The following FLRT2 variants were observed in gnomAD, a reference collection of about 807,000 sequenced individuals.
FLRT2 encodes the protein fibronectin leucine rich transmembrane protein 2.
FLRT2 carries 15 observed loss-of-function variants against 40.0 expected under a neutral mutation model. The ratio of observed to expected loss-of-function variants is 0.38; its 90% CI spans 0.25 to 0.58. FLRT2 has a LOEUF of 0.58. FLRT2 is among the 20% of genes least tolerant of loss of function. FLRT2 has a pLI of 0.71. For synonymous variants in FLRT2, 380 were observed against 336.8 expected (o/e 1.13, Z -1.41); for missense variants, 726 against 840.0 (o/e 0.86, Z 1.68).
chr14:85,533,426 C>T (rs1007698811), intron 1 of FLRT2, among the ~76,000 whole-genome samples: 2 of 152,016 alleles, frequency 1.3e-5, no homozygotes, highest in African/African-American at 2.4e-5. Flanking sequence ...CCCGCCCCCG[C>T]GCAGCGCCGC....
chr14:85,543,657 C>T (rs999840164), intron 1 of FLRT2, among the ~76,000 whole-genome samples: 1 of 152,164 alleles, frequency 6.6e-6, no homozygotes, highest in Non-Finnish European at 1.5e-5. Context: ...CTCCTCAGAC[C>T]TCATTGTTCA....
Position 85,622,397 on chromosome 14 carries a change from G to C in FLRT2, c.883G>C (p.Val295Leu), listed in dbSNP as rs774743928. 2 of 1,614,150 alleles carry C rather than the reference G, an allele frequency of 1.2e-6. No individual in the cohort carries two copies. The highest frequency in any genetic ancestry group is 1.7e-6 in the Non-Finnish European group (2 of 1,180,020). Residue 295 changes from valine to leucine, a missense_variant, in exon 2 of 2, where the codon GTT (valine) becomes CTT (leucine). Val to Leu is a conservative substitution (Grantham distance 32). Coordinates refer to ENST00000330753, the MANE Select transcript of FLRT2 (RefSeq NM_013231.6). ...NNQLRMLTQG[V>L]FDNLSNLKQL... ...CCAACTGCGGATGCTGACTCAAGGGGTTTTTGATAATCTCTCCAACCTGAA... is the reference window on the plus strand; with the variant it reads ...CCAACTGCGGATGCTGACTCAAGGGCTTTTTGATAATCTCTCCAACCTGAA...
At chr14:85,602,958 C>G (rs776719999) in intron 1 of FLRT2, among the ~76,000 whole-genome samples, 5 of 152,120 alleles carry the variant, frequency 3.3e-5, no homozygotes, top group African/African-American at 7.2e-5. Flanking sequence ...GAGCGCATAA[C>G]TTCCTTCTTT....
rs373936520 is a variant in FLRT2, at chr14:85,557,292, CTTACTAG to C, written c.-377+26761_-377+26767del. On this transcript the variant is annotated intron_variant, in intron 1 of 1. Transcript: ENST00000330753. ...AAGCTTTTTTTAATTAGCCAGCTACCTTACTAGTTTGCAAATGCCTTAAGAGCAAGGT... is the reference window on the plus strand; with the variant it reads ...AAGCTTTTTTTAATTAGCCAGCTACCTTTGCAAATGCCTTAAGAGCAAGGT... Among the ~76,000 whole-genome samples, 606 of 151,818 alleles carry C rather than the reference CTTACTAG, an allele frequency of 4.0e-3. 5 individuals are homozygous for C. The highest frequency in any genetic ancestry group is 0.014 in the Middle Eastern group (4 of 294).
chr14:85,567,269 G>A (rs546762253), intron 1 of FLRT2, among the ~76,000 whole-genome samples: 3 of 152,210 alleles, frequency 2.0e-5, no homozygotes, highest in South Asian at 4.2e-4. Context: ...CATCCCTGGT[G>A]GGTGTCTGCT....
chr14:85,541,450 T>C (rs1023866257), intron 1 of FLRT2, among the ~76,000 whole-genome samples: 1 of 152,182 alleles, frequency 6.6e-6, no homozygotes, highest in African/African-American at 2.4e-5. Context: ...CAACACTAAG[T>C]ATGCCAGAAA....
rs145289015 is a variant in FLRT2 at position 85,532,486 on chromosome 14, G to T, written c.-377+1952G>T. Among the ~76,000 whole-genome samples, 771 of 152,320 alleles carry T rather than the reference G, an allele frequency of 5.1e-3. 7 individuals carry two copies. Among genetic ancestry groups the T allele is most frequent in the African/African-American group, 0.018 (744 of 41,564 alleles). ...TACATTACCCTTTAACCTTTGGAAA[G>T]AGACTGCGAAGTGGAAACGTTGCCT... On this transcript the variant is annotated intron_variant, in intron 1 of 1. Coordinates refer to ENST00000330753, the MANE Select transcript of FLRT2 (RefSeq NM_013231.6).
At position 85,550,607 on chromosome 14, in the gene FLRT2, T is replaced by C. The variant is rs1378371665; in HGVS notation, c.-377+20073T>C. Among the ~76,000 whole-genome samples, 7 of 152,340 alleles carry C rather than the reference T, an allele frequency of 4.6e-5. No individual in the cohort carries two copies. In the East Asian group the frequency reaches 1.2e-3, roughly 25 times the overall value. ...AAAACCCTAAAGTCATGCAAAATTATGTGGACTTCCTTTCTGATTCTTGGA... is the reference window on the plus strand; with the variant it reads ...AAAACCCTAAAGTCATGCAAAATTACGTGGACTTCCTTTCTGATTCTTGGA... On this transcript the variant is annotated intron_variant, in intron 1 of 1. Transcript: ENST00000330753.
intron 1 of FLRT2, among the ~76,000 whole-genome samples, chr14:85,556,553 G>C (rs762134826): frequency 6.6e-6 from 1 of 152,188 alleles, no homozygotes; most frequent in Non-Finnish European, 1.5e-5. Flanking sequence ...GGAGAAAATG[G>C]CTAAGCTGGT....
Position 85,648,218 on chromosome 14 carries a change from T to C in FLRT2, c.*24721T>C, listed in dbSNP as rs918283437. ...TTAGGCAGGTGCATGTTGTTATTGC[T>C]ACTTTTTTCAAGTCTAAGTTCTAGG... On this transcript the variant is annotated 3_prime_UTR_variant, in exon 2 of 2. Transcript: ENST00000330753. 6.6e-6 allele frequency: 1 copy of C among 152,158 alleles called. No individual in the cohort carries two copies. The highest frequency in any genetic ancestry group is 2.4e-5 in the African/African-American group (1 of 41,448). 9.4% of individuals were successfully genotyped at this position (152,158 alleles called of 1,614,324 possible). A position where few individuals can be genotyped will look rare whatever the true frequency, so the allele number is the denominator to read the frequency against.
At chr14:85,532,455 G>GT (rs1888346277) in intron 1 of FLRT2, among the ~76,000 whole-genome samples, 1 of 152,172 alleles carries the variant, frequency 6.6e-6, no homozygotes, top group Non-Finnish European at 1.5e-5. Context: ...TTGTTTGTTT[G>GT]TTTTTTACAT....
chr14:85,570,837 G>A (rs996778091), intron 1 of FLRT2, among the ~76,000 whole-genome samples: 7 of 151,604 alleles, frequency 4.6e-5, no homozygotes, highest in Admixed American at 1.3e-4. Flanking sequence ...CGCCCGCCTC[G>A]GCCTCCCAAG....
intron 1 of FLRT2, among the ~76,000 whole-genome samples, chr14:85,615,568 C>T (rs1412956573): frequency 1.3e-5 from 2 of 152,084 alleles, no homozygotes; most frequent in African/African-American, 4.8e-5. Context: ...TAATGATCAA[C>T]TTCCGGGGGC....
intron 1 of FLRT2, among the ~76,000 whole-genome samples, chr14:85,619,135 G>A (rs76747041): frequency 0.021 from 3,172 of 149,898 alleles, 56 homozygotes; most frequent in South Asian, 0.078. Context: ...TGTCACCCAG[G>A]CTGGACTGCA....
intron 1 of FLRT2, among the ~76,000 whole-genome samples, chr14:85,552,489 TA>T (rs1056248684): frequency 1.3e-5 from 2 of 152,138 alleles, no homozygotes; most frequent in African/African-American, 4.8e-5. Flanking sequence ...CAGAAAAAGT[TA>T]AGGTGAGTAT....
intron 1 of FLRT2, among the ~76,000 whole-genome samples, chr14:85,610,517 G>GT (rs946090920): frequency 3.3e-5 from 5 of 152,168 alleles, no homozygotes; most frequent in African/African-American, 1.2e-4. Flanking sequence ...AGATTTGCCT[G>GT]TTTAAGTCCA....
intron 1 of FLRT2, among the ~76,000 whole-genome samples, chr14:85,553,169 C>A (rs185494967): frequency 1.3e-5 from 2 of 152,266 alleles, no homozygotes; most frequent in African/African-American, 4.8e-5. Flanking sequence ...GAAATGCGTA[C>A]CCAGCTCTTC....
chr14:85,544,275 G>T (rs1594995168), intron 1 of FLRT2, among the ~76,000 whole-genome samples: 1 of 152,144 alleles, frequency 6.6e-6, no homozygotes, highest in South Asian at 2.1e-4. Context: ...TGCCACACTG[G>T]ATAGGTCTGT....
intron 1 of FLRT2, among the ~76,000 whole-genome samples, chr14:85,546,749 G>A (rs1316758561): frequency 6.6e-6 from 1 of 152,198 alleles, no homozygotes; most frequent in Non-Finnish European, 1.5e-5. Context: ...TCAAGAATCA[G>A]CCTATGGCAT....
Sources: allele counts gnomAD v4.1 joint callset (sites outside exome capture counted in the v4.1 genomes callset), GRCh38; gene constraint gnomAD v4.1.1; transcripts MANE v1.5; gene names NCBI Gene and HGNC (gene_info 2026-07-23, HGNC 2026-07-21).